The following ZNF385D variants were observed in gnomAD, a reference collection of about 807,000 sequenced individuals.
ZNF385D encodes zinc finger protein 659.
ZNF385D carries 15 observed loss-of-function variants against 35.8 expected under a neutral mutation model. The ratio of observed to expected loss-of-function variants is 0.42; its 90% CI spans 0.28 to 0.64. ZNF385D has a LOEUF of 0.64. Among genes scored for constraint, ZNF385D ranks in the 30% least tolerant of loss-of-function variants. ZNF385D has a pLI of 0.23. For synonymous variants in ZNF385D, 212 were observed against 186.8 expected, an observed-to-expected ratio of 1.13 and a Z score of -1.10; for missense variants, 474 against 494.6, an observed-to-expected ratio of 0.96 and a Z score of 0.39.
At chr3:21,754,165 A>T (rs1191499608), upstream of ZNF385D, among the ~76,000 whole-genome samples, 1 of 152,118 alleles carries the variant, frequency 6.6e-6, no homozygotes, top group African/African-American at 2.4e-5. Context: ...TCAACATATT[A>T]TTTTTTTTAA....
At chr3:21,541,487 T>C (rs969686329) in intron 3 of ZNF385D, among the ~76,000 whole-genome samples, 4 of 152,094 alleles carry the variant, frequency 2.6e-5, no homozygotes, top group African/African-American at 7.2e-5. Context: ...TAGGGCTCAG[T>C]AAAAATTAGA....
intron 3 of ZNF385D, among the ~76,000 whole-genome samples, chr3:21,841,747 C>T (rs1292991975): frequency 6.6e-6 from 1 of 151,802 alleles, no homozygotes; most frequent in East Asian, 1.9e-4. Context: ...TAAATTTTTA[C>T]TTAATTTAGG....
intron 3 of ZNF385D, among the ~76,000 whole-genome samples, chr3:22,119,145 C>T (rs1370675417): frequency 6.6e-6 from 1 of 152,156 alleles, no homozygotes; most frequent in African/African-American, 2.4e-5. Context: ...AAGAATACCA[C>T]CCGCCTGATG....
intron 3 of ZNF385D, among the ~76,000 whole-genome samples, chr3:21,862,263 A>G (rs1237662980): frequency 1.3e-5 from 2 of 151,648 alleles, no homozygotes; most frequent in Middle Eastern, 3.2e-3. Flanking sequence ...TCATTGATGA[A>G]TTCTAAGTAC....
At chr3:21,727,425 C>T (rs899975250) in intron 1 of ZNF385D, among the ~76,000 whole-genome samples, 1 of 152,120 alleles carries the variant, frequency 6.6e-6, no homozygotes, top group African/African-American at 2.4e-5. Context: ...ATCTATCCAT[C>T]TGACAAAAGG....
chr3:22,283,141 C>T (rs943261256), intron 2 of ZNF385D, among the ~76,000 whole-genome samples: 11 of 152,056 alleles, frequency 7.2e-5, no homozygotes, highest in African/African-American at 2.2e-4. Context: ...TATCACAATC[C>T]TAAATATATA....
chr3:21,812,016 T>A (rs1032784603), intron 3 of ZNF385D, among the ~76,000 whole-genome samples: 2 of 152,172 alleles, frequency 1.3e-5, no homozygotes, highest in East Asian at 3.8e-4. Context: ...AAAAATCAAA[T>A]TTGAATATTT....
intron 1 of ZNF385D, among the ~76,000 whole-genome samples, chr3:21,735,539 A>G (rs1318216808): frequency 6.6e-6 from 1 of 152,138 alleles, no homozygotes; most frequent in African/African-American, 2.4e-5. Context: ...CTTCTATTGG[A>G]TATTACAAAA....
intron 1 of ZNF385D, among the ~76,000 whole-genome samples, chr3:21,706,862 TAGAC>T (rs1207743016): frequency 6.7e-6 from 1 of 150,248 alleles, no homozygotes; most frequent in Admixed American, 6.6e-5. Flanking sequence ...ATAAATAGAT[TAGAC>T]AGATAAATTC....
intron 2 of ZNF385D, among the ~76,000 whole-genome samples, chr3:22,264,710 C>T (rs1347277942): frequency 6.6e-6 from 1 of 151,794 alleles, no homozygotes. Flanking sequence ...ACTTGGTACA[C>T]CAATTAGGTG....
At chr3:21,508,512 C>G (rs1428584078) in intron 4 of ZNF385D, among the ~76,000 whole-genome samples, 1 of 152,086 alleles carries the variant, frequency 6.6e-6, no homozygotes, top group Admixed American at 6.6e-5. Context: ...CTGCCTCCCC[C>G]TTCCAATTAC....
chr3:22,299,474 A>C (rs992196932), intron 2 of ZNF385D, among the ~76,000 whole-genome samples: 6 of 151,844 alleles, frequency 4.0e-5, no homozygotes, highest in African/African-American at 1.4e-4. Context: ...GAAAAAAAGA[A>C]AACAAAAGTA....
intron 3 of ZNF385D, among the ~76,000 whole-genome samples, chr3:21,792,899 T>A (rs2071989241): frequency 6.6e-6 from 1 of 152,216 alleles, no homozygotes; most frequent in African/African-American, 2.4e-5. Flanking sequence ...CTCTGACCAG[T>A]ATTCAAAATT....
intron 3 of ZNF385D, among the ~76,000 whole-genome samples, chr3:21,858,511 C>T (rs1280330004): frequency 6.6e-6 from 1 of 151,960 alleles, no homozygotes; most frequent in Non-Finnish European, 1.5e-5. Flanking sequence ...GGATTAGTGT[C>T]CTTATAAAAG....
intron 3 of ZNF385D, among the ~76,000 whole-genome samples, chr3:22,096,463 T>C (rs1002022633): frequency 6.6e-6 from 1 of 152,082 alleles, no homozygotes; most frequent in Admixed American, 6.6e-5. Context: ...AGTCAAAATT[T>C]GATTTAAAAA....
intron 1 of ZNF385D, among the ~76,000 whole-genome samples, chr3:21,688,287 A>G (rs1450713378): frequency 6.6e-6 from 1 of 152,070 alleles, no homozygotes; most frequent in Non-Finnish European, 1.5e-5. Context: ...TCTGACAAGT[A>G]CTCTATTTTA....
chr3:21,593,052 A>G (rs1048412253), intron 2 of ZNF385D, among the ~76,000 whole-genome samples: 2 of 152,134 alleles, frequency 1.3e-5, no homozygotes, highest in African/African-American at 4.8e-5. Context: ...ACACATCTAC[A>G]GCCACCCGGG....
At chr3:22,094,156 T>A (rs529603144) in intron 3 of ZNF385D, among the ~76,000 whole-genome samples, 1 of 152,030 alleles carries the variant, frequency 6.6e-6, no homozygotes, top group East Asian at 1.9e-4. Context: ...CGGCATCAAA[T>A]ATTCTAATTT....
intron 2 of ZNF385D, among the ~76,000 whole-genome samples, chr3:22,300,558 C>T (rs533011011): frequency 6.6e-6 from 1 of 151,644 alleles, no homozygotes; most frequent in Non-Finnish European, 1.5e-5. Flanking sequence ...GAAGTTAGCA[C>T]CCAACATATA....
Sources: allele counts gnomAD v4.1 joint callset (sites outside exome capture counted in the v4.1 genomes callset), GRCh38; gene constraint gnomAD v4.1.1; transcripts MANE v1.5; gene names NCBI Gene and HGNC (gene_info 2026-07-23, HGNC 2026-07-21).